The following NTAQ1 variants were observed in gnomAD, a reference collection of about 807,000 sequenced individuals.
The protein encoded by NTAQ1 is N-terminal glutamine amidase 1, also known as protein N-terminal glutamine amidohydrolase.
In NTAQ1, 21 loss-of-function variants were observed where a neutral mutation model predicts 28.2. The observed-to-expected ratio is 0.74, with a 90% confidence interval of 0.53 to 1.07. The LOEUF is 1.07. NTAQ1 is among the 50% of genes least tolerant of loss of function. NTAQ1 has a pLI of 0.00. For missense variants in NTAQ1, 264 were observed against 256.6 expected, an observed-to-expected ratio of 1.03 and a Z score of -0.20; for synonymous variants, 105 against 90.0, an observed-to-expected ratio of 1.17 and a Z score of -0.94.
At chr8:123,428,158 T>C (rs939816958) in intron 2 of NTAQ1, 135 bp downstream of exon 2, 2 of 582,592 alleles carry the variant, frequency 3.4e-6, no homozygotes, top group African/African-American at 1.9e-5. Context: ...TACAGCAACA[T>C]TTAAAAGCTT....
downstream of NTAQ1, among the ~76,000 whole-genome samples, chr8:123,450,899 T>C (rs182829301): frequency 2.0e-5 from 3 of 152,316 alleles, no homozygotes; most frequent in Admixed American, 2.0e-4. Flanking sequence ...GACTATCTCA[T>C]TCCCGTTTTC....
At chr8:123,422,012 C>T (rs1813729070) in intron 1 of NTAQ1, among the ~76,000 whole-genome samples, 1 of 151,984 alleles carries the variant, frequency 6.6e-6, no homozygotes, top group Admixed American at 6.6e-5. Flanking sequence ...GACAATGTTT[C>T]ACCATGTTGG....
At chr8:123,443,555 T>C (rs1342590096), downstream of NTAQ1, among the ~76,000 whole-genome samples, 1 of 152,178 alleles carries the variant, frequency 6.6e-6, no homozygotes, top group African/African-American at 2.4e-5. Flanking sequence ...CTGTATCAGA[T>C]TGATCTGTGC....
intron 6 of NTAQ1, among the ~76,000 whole-genome samples, chr8:123,447,817 G>A (rs947694540): frequency 1.3e-5 from 2 of 152,174 alleles, no homozygotes; most frequent in African/African-American, 2.4e-5. Flanking sequence ...GCAAAACCAA[G>A]AGCTGGTAGA....
At chr8:123,456,926 G>C (rs374853308) in intron 6 of NTAQ1, among the ~76,000 whole-genome samples, 5 of 152,098 alleles carry the variant, frequency 3.3e-5, no homozygotes, top group Non-Finnish European at 4.4e-5. Context: ...GTGGATACAC[G>C]AGGAAACTCA....
At chr8:123,442,824 A>G (rs1223635567), downstream of NTAQ1, among the ~76,000 whole-genome samples, 3 of 150,510 alleles carry the variant, frequency 2.0e-5, no homozygotes, top group East Asian at 2.0e-4. Context: ...GTGCGCCACC[A>G]TGCCCAGCGA....
chr8:123,431,357 A>G (rs950460068), intron 3 of NTAQ1, among the ~76,000 whole-genome samples: 2 of 137,376 alleles, frequency 1.5e-5, no homozygotes, highest in Admixed American at 1.5e-4. Flanking sequence ...AAAAAAAAAA[A>G]TAGAGTTTTT....
chr8:123,460,414 A>G (rs1422665755), intron 6 of NTAQ1, among the ~76,000 whole-genome samples: 1 of 152,208 alleles, frequency 6.6e-6, no homozygotes, highest in Non-Finnish European at 1.5e-5. Context: ...ACTACACCAT[A>G]AAGTGGAGAT....
chr8:123,419,063 G>A (rs1482686060), intron 1 of NTAQ1, among the ~76,000 whole-genome samples: 1 of 148,470 alleles, frequency 6.7e-6, no homozygotes, highest in East Asian at 2.0e-4. Flanking sequence ...CACTACTTTG[G>A]CTCCTGCAGC....
intron 6 of NTAQ1, among the ~76,000 whole-genome samples, chr8:123,460,619 G>A (rs539202965): frequency 5.8e-4 from 88 of 152,280 alleles, no homozygotes; most frequent in Non-Finnish European, 1.1e-3. Context: ...GAATCTTGTA[G>A]GAAAAAAGCG....
Position 123,416,906 on chromosome 8 carries a change from C to G in NTAQ1, c.57C>G (p.Asp19Glu), listed in dbSNP as rs755433564. The G allele has an allele frequency of 1.3e-6, 2 of 1,524,916 alleles. No individual in the cohort carries two copies. The allele number at this position is 1,524,916 out of a possible 1,614,324, so 94.5% of individuals were successfully genotyped here. Residue 19 changes from aspartate to glutamate, a missense_variant, in exon 1 of 6, where the codon GAC becomes GAG. Transcript: ENST00000287387. ...ACCAGCCGGCCAGCCCCCCGCGGGA[C>G]GCCTGCGTCTACAGCAGCTGCTACT... is the stretch of plus-strand genomic sequence containing the variant. ...VHYQPASPPRDACVYSSCYCE... is the reference protein window; with the variant it reads ...VHYQPASPPREACVYSSCYCE...
intron 4 of NTAQ1, 85 bp downstream of exon 4, chr8:123,436,686 G>A: frequency 6.9e-7 from 1 of 1,452,360 alleles, no homozygotes; most frequent in Middle Eastern, 1.8e-4. Flanking sequence ...TTTGACAATT[G>A]TTTTGTAAAG....
intron 2 of NTAQ1, among the ~76,000 whole-genome samples, chr8:123,428,437 A>G (rs1001945404): frequency 6.6e-6 from 1 of 152,032 alleles, no homozygotes; most frequent in African/African-American, 2.4e-5. Context: ...GCCTCAAGTG[A>G]TCCTCCCACC....
At chr8:123,436,768 T>A (rs137982516) in intron 4 of NTAQ1, among the ~76,000 whole-genome samples, 167 bp downstream of exon 4, 1 of 152,354 alleles carries the variant, frequency 6.6e-6, no homozygotes, top group African/African-American at 2.4e-5. Flanking sequence ...TTCAAAATGT[T>A]TTAAAGCTTT....
intron 6 of NTAQ1, among the ~76,000 whole-genome samples, chr8:123,458,642 A>G (rs1250025705): frequency 2.7e-5 from 4 of 150,278 alleles, no homozygotes; most frequent in African/African-American, 9.8e-5. Context: ...TTTTTTTTGA[A>G]TCGGAGTCTC....
chr8:123,458,279 T>C (rs1361648306), intron 6 of NTAQ1, among the ~76,000 whole-genome samples: 1 of 151,114 alleles, frequency 6.6e-6, no homozygotes, highest in African/African-American at 2.4e-5. Flanking sequence ...GAAACAAGTA[T>C]AGCCTCAGAT....
At chr8:123,422,606 G>GTTTTTTTT (rs112284256) in intron 1 of NTAQ1, among the ~76,000 whole-genome samples, 3 of 134,420 alleles carry the variant, frequency 2.2e-5, no homozygotes, top group African/African-American at 8.5e-5. Context: ...TCCATTGATA[G>GTTTTTTTT]TTTTTTTTTT....
intron 3 of NTAQ1, among the ~76,000 whole-genome samples, chr8:123,432,165 C>G (rs1814436795): frequency 6.6e-6 from 1 of 152,188 alleles, no homozygotes; most frequent in South Asian, 2.1e-4. Context: ...TTCGAGAACA[C>G]TAAATCCTGA....
intron 6 of NTAQ1, among the ~76,000 whole-genome samples, chr8:123,457,066 T>C (rs1815669757): frequency 1.3e-5 from 2 of 152,160 alleles, no homozygotes; most frequent in Admixed American, 1.3e-4. Context: ...TATCTATACA[T>C]ATAGATATAT....
Sources: gnomAD v4.1 joint callset for allele counts (sites outside exome capture counted in the v4.1 genomes callset) on GRCh38, gnomAD v4.1.1 for gene constraint, MANE v1.5 for transcripts, NCBI Gene and HGNC (gene_info 2026-07-23, HGNC 2026-07-21) for gene names.